Variants in EBF1 observed in about 807,000 individuals in gnomAD.
EBF1 encodes EBF transcription factor 1.
EBF1 carries 10 observed loss-of-function variants against 68.4 expected under a neutral mutation model. That is an observed-to-expected ratio of 0.15 (90% confidence interval 0.09 to 0.25). EBF1 has a LOEUF of 0.25. EBF1 is among the 10% of genes least tolerant of loss of function. The pLI is 1.00. For missense variants in EBF1, 509 were observed against 794.4 expected (o/e 0.64, Z 4.32); for synonymous variants, 298 against 299.8 (o/e 0.99, Z 0.06).
At chr5:158,888,010 G>A (rs1186206509) in intron 6 of EBF1, among the ~76,000 whole-genome samples, 2 of 152,150 alleles carry the variant, frequency 1.3e-5, no homozygotes, top group Non-Finnish European at 1.5e-5. Flanking sequence ...GCAAACAGGA[G>A]AAAGGACTGT....
At chr5:158,844,292 G>A (rs751581244) in intron 6 of EBF1, among the ~76,000 whole-genome samples, 6 of 148,566 alleles carry the variant, frequency 4.0e-5, no homozygotes, top group Non-Finnish European at 8.9e-5. Flanking sequence ...TTCATGTAAT[G>A]CGTTAATTAT....
intron 6 of EBF1, among the ~76,000 whole-genome samples, chr5:158,899,906 G>A (rs1056651665): frequency 4.7e-4 from 72 of 152,120 alleles, no homozygotes; most frequent in African/African-American, 9.4e-4. Flanking sequence ...ATTAAGAACC[G>A]TGGGTGGGAG....
At chr5:158,952,947 G>A (rs1046239187) in intron 6 of EBF1, among the ~76,000 whole-genome samples, 3 of 151,422 alleles carry the variant, frequency 2.0e-5, no homozygotes, top group African/African-American at 7.3e-5. Flanking sequence ...CTTTTTTTTA[G>A]ATATTTGGTT....
chr5:158,697,059 T>C lies in EBF1; in HGVS notation c.*2052A>G, dbSNP rs987374435. 2.1e-5 allele frequency: 4 copies of C among 189,420 alleles called. No individual in the cohort carries two copies. Among genetic ancestry groups the C allele is most frequent in the Non-Finnish European group, 3.3e-5 (3 of 90,174 alleles). The allele number at this position is 189,420 out of a possible 1,614,324, so 11.7% of individuals were successfully genotyped here. ...ATTTATGTGAAAGACAGAGGAAATA[T>C]ACAAGCAGACTTAAGAAAGAAAGTA... On this transcript the variant is annotated 3_prime_UTR_variant, in exon 16 of 16. Coordinates refer to ENST00000313708, the MANE Select transcript of EBF1 (RefSeq NM_024007.5).
intron 14 of EBF1, among the ~76,000 whole-genome samples, chr5:158,711,932 T>C (rs983443709): frequency 1.3e-5 from 2 of 152,176 alleles, no homozygotes; most frequent in African/African-American, 4.8e-5. Flanking sequence ...AGCAACATTC[T>C]GACTGTTAGG....
chr5:158,909,432 C>A (rs542732227), intron 6 of EBF1, among the ~76,000 whole-genome samples: 1 of 152,158 alleles, frequency 6.6e-6, no homozygotes, highest in Admixed American at 6.5e-5. Flanking sequence ...GACCAAGAAC[C>A]CTGGTCGCAT....
chr5:158,997,956 G>C (rs979034832), intron 6 of EBF1, among the ~76,000 whole-genome samples: 1 of 152,112 alleles, frequency 6.6e-6, no homozygotes, highest in African/African-American at 2.4e-5. Flanking sequence ...TCTCTCTACT[G>C]TAAATGGCCC....
intron 6 of EBF1, among the ~76,000 whole-genome samples, chr5:159,048,230 G>T (rs779181455): frequency 1.3e-5 from 2 of 152,114 alleles, no homozygotes; most frequent in African/African-American, 4.8e-5. Context: ...ACCCAAGTAC[G>T]CAGTAGGTAC....
rs536294919 is a variant in EBF1, at chr5:159,074,540, T to G, written c.486-1076A>C. 2.0e-5 allele frequency among the ~76,000 whole-genome samples: 3 copies of G among 152,304 alleles called. No individual in the cohort carries two copies. In the East Asian group the frequency reaches 5.8e-4, roughly 29 times the overall value. ...CACACATACGCGCACACTTACAACT[T>G]AGTGAATCATACAGCCTAAATTTAG... On this transcript the variant is annotated intron_variant, in intron 5 of 15. Coordinates refer to ENST00000313708, the MANE Select transcript of EBF1 (RefSeq NM_024007.5).
chr5:158,938,944 C>T (rs1812668290), intron 6 of EBF1, among the ~76,000 whole-genome samples: 1 of 152,184 alleles, frequency 6.6e-6, no homozygotes, highest in Non-Finnish European at 1.5e-5. Context: ...CAAGAGACAT[C>T]TATGACATCC....
intron 10 of EBF1, among the ~76,000 whole-genome samples, chr5:158,741,436 A>T (rs961837306): frequency 1.3e-5 from 2 of 152,086 alleles, no homozygotes; most frequent in African/African-American, 4.8e-5. Context: ...TTAGCCAAGC[A>T]TGGTGGTATA....
At chr5:159,070,001 T>G (rs1777528990) in intron 6 of EBF1, among the ~76,000 whole-genome samples, 1 of 152,174 alleles carries the variant, frequency 6.6e-6, no homozygotes, top group Non-Finnish European at 1.5e-5. Flanking sequence ...AAAATCAATC[T>G]CCACCTTAAT....
At chr5:158,722,194 C>A (rs1762065021) in intron 11 of EBF1, among the ~76,000 whole-genome samples, 1 of 152,176 alleles carries the variant, frequency 6.6e-6, no homozygotes, top group Admixed American at 6.5e-5. Context: ...AAAGAGAAAG[C>A]TCTGGACAGA....
rs1785295377 is a variant in EBF1 at position 158,823,366 on chromosome 5, G to A, written c.637-49C>T. The A allele has an allele frequency of 3.2e-6, 5 of 1,558,336 alleles. No individual in the cohort carries two copies. The East Asian group carries it at 6.8e-5, about 21-fold the overall frequency. On this transcript the variant is annotated intron_variant, in intron 7 of 15. Transcript: ENST00000313708. ...ATGAACATTTTAATATAAAAGCGTG[G>A]TGGGTAATAAACTCAAGTTAAATAA...
intron 9 of EBF1, among the ~76,000 whole-genome samples, chr5:158,781,727 C>T (rs1776478791): frequency 6.6e-6 from 1 of 152,058 alleles, no homozygotes; most frequent in Non-Finnish European, 1.5e-5. Flanking sequence ...CAAACTGGGC[C>T]CCACTGGCTC....
intron 6 of EBF1, among the ~76,000 whole-genome samples, chr5:158,891,102 C>T (rs17056325): frequency 0.023 from 3,577 of 152,308 alleles, 133 homozygotes; most frequent in African/African-American, 0.082. Context: ...TTGAAGTTCA[C>T]GATTTCCCAC....
intron 6 of EBF1, among the ~76,000 whole-genome samples, chr5:159,040,612 A>G (rs1036797317): frequency 1.3e-5 from 2 of 152,238 alleles, no homozygotes; most frequent in African/African-American, 4.8e-5. Context: ...TGGAGAAAAG[A>G]AAACAAAGAT....
At chr5:158,701,564 G>T (rs1756779211) in intron 15 of EBF1, among the ~76,000 whole-genome samples, 3 of 152,222 alleles carry the variant, frequency 2.0e-5, no homozygotes, top group Admixed American at 6.5e-5. Flanking sequence ...GCGAACAGCA[G>T]TGAGTGAATC....
At chr5:159,018,505 C>T (rs1466077114) in intron 6 of EBF1, among the ~76,000 whole-genome samples, 1 of 152,200 alleles carries the variant, frequency 6.6e-6, no homozygotes, top group African/African-American at 2.4e-5. Flanking sequence ...GTATGAAGAA[C>T]ATTATTTAAA....
Sources: gnomAD v4.1 joint callset for allele counts (sites outside exome capture counted in the v4.1 genomes callset) on GRCh38, gnomAD v4.1.1 for gene constraint, MANE v1.5 for transcripts, NCBI Gene and HGNC (gene_info 2026-07-23, HGNC 2026-07-21) for gene names.